The following APC variants were observed in gnomAD, a reference collection of about 807,000 sequenced individuals.
The protein encoded by APC is adenomatous polyposis coli protein.
A neutral mutation model predicts 247.0 loss-of-function variants in APC; 72 were observed. The observed-to-expected ratio is 0.29, with a 90% CI of 0.24 to 0.35. The LOEUF (loss-of-function observed/expected upper bound fraction) is 0.35, where lower values mean the gene tolerates loss of function less well. Among genes scored for constraint, APC ranks in the 10% least tolerant of loss-of-function variants. The pLI, the probability that APC is intolerant of heterozygous loss-of-function variation, is 1.00. For synonymous variants in APC, 1,254 were observed against 1,162.5 expected (o/e 1.08, Z -1.60); for missense variants, 3,400 against 3,360.7 (o/e 1.01, Z -0.29).
At chr5:112,724,557 G>T (rs1396713820) in intron 1 of APC, among the ~76,000 whole-genome samples, 2 of 148,740 alleles carry the variant, frequency 1.3e-5, no homozygotes, top group African/African-American at 4.9e-5. Context: ...AATCCCAAGT[G>T]TGTGGTAAAT....
Position 112,837,570 on chromosome 5 carries a change from A to G in APC, c.1976A>G (p.Asn659Ser), listed in dbSNP as rs2149857970. The change falls in exon 16 of 16, where the codon AAC (asparagine) becomes AGC (serine). Residue 659 changes from asparagine to serine, a missense_variant. Coordinates refer to ENST00000257430, the MANE Select transcript of APC (RefSeq NM_000038.6). ...TATTTCAGGCAAATCCTAAGAGAGA[A>G]CAACTGTCTACAAACTTTATTACAA... The part of the protein sequence containing the change: ...NEDHRQILRE[N>S]NCLQTLLQHL... The G allele has an allele frequency of 6.2e-7, 1 of 1,612,936 alleles. No individual in the cohort carries two copies. Among genetic ancestry groups the G allele is most frequent in the Non-Finnish European group, 8.5e-7 (1 of 1,178,976 alleles).
rs571814092 is a variant in APC at position 112,823,604 on chromosome 5, T to C, written c.1408+1613T>C. 4.6e-5 allele frequency among the ~76,000 whole-genome samples: 7 copies of C among 152,350 alleles called. No homozygotes were observed. In the South Asian group the frequency reaches 1.4e-3, roughly 32 times the overall value. On this transcript the variant is annotated intron_variant, in intron 11 of 15. Transcript: ENST00000257430. ...TTCAGTCAGCTGGGATGGTCATTTGTACATATATGAAGATTCTACAGCTAT... is the reference window on the plus strand; with the variant it reads ...TTCAGTCAGCTGGGATGGTCATTTGCACATATATGAAGATTCTACAGCTAT...
At chr5:112,811,229 G>A (rs1052906920) in intron 8 of APC, among the ~76,000 whole-genome samples, 3 of 152,200 alleles carry the variant, frequency 2.0e-5, no homozygotes, top group Admixed American at 1.3e-4. Flanking sequence ...ATGATACAGC[G>A]AGTGCTTCTA....
chr5:112,786,909 TCAG>T, intron 6 of APC, among the ~76,000 whole-genome samples: 1 of 57,128 alleles, frequency 1.8e-5, no homozygotes, highest in Non-Finnish European at 5.5e-5. Flanking sequence ...TTTTTTTGAG[TCAG>T]AGTCTTACTC....
chr5:112,773,449 G>A (rs550146878), intron 4 of APC, among the ~76,000 whole-genome samples: 11 of 152,244 alleles, frequency 7.2e-5, no homozygotes, highest in African/African-American at 1.7e-4. Context: ...AGGGATTGGC[G>A]TACCCACCCA....
intron 5 of APC, 146 bp from the exon 6 acceptor site, chr5:112,780,644 C>G (rs1018898909): frequency 4.9e-6 from 3 of 616,596 alleles, no homozygotes; most frequent in African/African-American, 1.8e-5. Context: ...TTTAAACACT[C>G]CTTGGAGTAA....
At position 112,841,739 on chromosome 5, in the gene APC, A is replaced by G. The variant is rs587781695; in HGVS notation, c.6145A>G (p.Lys2049Glu). 2 of 1,614,034 alleles carry G rather than the reference A, an allele frequency of 1.2e-6. No homozygotes were observed. Among genetic ancestry groups the G allele is most frequent in the Non-Finnish European group, 1.7e-6 (2 of 1,179,878 alleles). Residue 2049 changes from lysine to glutamate, a missense_variant, in exon 16 of 16, where the codon AAA becomes GAA. Coordinates refer to ENST00000257430, the MANE Select transcript of APC (RefSeq NM_000038.6). The surrounding 1 kb of genome is among the most constrained non-coding windows in gnomAD (Gnocchi z 4.6). ...GGAATGTATAAGCTCCGCAATGCCAAAAAAGAAAAAGCCTTCAAGACTCAA... is the reference window on the plus strand; with the variant it reads ...GGAATGTATAAGCTCCGCAATGCCAGAAAAGAAAAAGCCTTCAAGACTCAA... ...LQECISSAMP[K>E]KKKPSRLKGD...
At chr5:112,758,866 G>C (rs762239285) in intron 2 of APC, among the ~76,000 whole-genome samples, 3 of 152,192 alleles carry the variant, frequency 2.0e-5, no homozygotes, top group Non-Finnish European at 4.4e-5. Flanking sequence ...GCCTCTCAAA[G>C]TACTGGAATT....
Position 112,835,045 on chromosome 5 carries a change from T to G in APC, c.1838T>G (p.Leu613Arg). ...GATATATGTGCTGTAGATGGTGCACTTGCATTTTTGGTTGGCACTCTTACT... is the reference window on the plus strand; with the variant it reads ...GATATATGTGCTGTAGATGGTGCACGTGCATTTTTGGTTGGCACTCTTACT... ...KADICAVDGA[L>R]AFLVGTLTYR... The change falls in exon 15 of 16, where the codon CTT becomes CGT. Residue 613 changes from leucine (L) to arginine (R), a missense_variant. Physicochemically the swap from Leu to Arg is moderately radical, Grantham distance 102 (BLOSUM62 -2). Around this residue, in one of 9 missense-constraint regions of APC, gnomAD observed 184 missense variants for 248.0 expected, o/e 0.74. Transcript: ENST00000257430. 1 of 1,614,170 alleles carries G rather than the reference T, an allele frequency of 6.2e-7. No individual in the cohort carries two copies.
chr5:112,723,455 C>T (rs1020224156), intron 1 of APC, among the ~76,000 whole-genome samples: 2 of 150,968 alleles, frequency 1.3e-5, no homozygotes, highest in Admixed American at 6.6e-5. Flanking sequence ...AGAGTCAGAC[C>T]CCATCTCAAA....
chr5:112,770,941 A>G (rs1477051866), intron 4 of APC, among the ~76,000 whole-genome samples: 1 of 152,118 alleles, frequency 6.6e-6, no homozygotes, highest in Non-Finnish European at 1.5e-5. Context: ...GCTGTATAAG[A>G]TTTGGCAACT....
At chr5:112,710,938 T>C (rs944925644) in intron 1 of APC, among the ~76,000 whole-genome samples, 2 of 152,250 alleles carry the variant, frequency 1.3e-5, no homozygotes, top group African/African-American at 4.8e-5. Context: ...CTTCTGTGCT[T>C]TGCACTCGTA....
chr5:112,759,906 C>T (rs572709410), intron 2 of APC, among the ~76,000 whole-genome samples: 1 of 152,244 alleles, frequency 6.6e-6, no homozygotes, highest in East Asian at 1.9e-4. Context: ...TCAAGGGCCT[C>T]TTCTAGGTTG....
At chr5:112,802,609 A>G (rs1760946789) in intron 8 of APC, among the ~76,000 whole-genome samples, 1 of 152,154 alleles carries the variant, frequency 6.6e-6, no homozygotes, top group Non-Finnish European at 1.5e-5. Context: ...TTACTACATC[A>G]AAATAAATTC....
chr5:112,825,429 C>T (rs559644834), intron 11 of APC, among the ~76,000 whole-genome samples: 1 of 152,294 alleles, frequency 6.6e-6, no homozygotes, highest in East Asian at 1.9e-4. Context: ...CCGGCATCTA[C>T]CCATGTTTAT....
chr5:112,713,183 A>AAAAC (rs1750961938), intron 1 of APC, among the ~76,000 whole-genome samples: 2 of 151,928 alleles, frequency 1.3e-5, no homozygotes, highest in South Asian at 4.2e-4. Context: ...AAAAAAAAAA[A>AAAAC]AAACCAGTAT....
chr5:112,842,989 T>C lies in APC; in HGVS notation c.7395T>C (p.Leu2465=), dbSNP rs369906346. 96 of 1,613,966 alleles carry C rather than the reference T, an allele frequency of 5.9e-5. No individual in the cohort carries two copies. The highest frequency in any genetic ancestry group is 7.7e-5 in the Non-Finnish European group (91 of 1,179,960). ...KLEESASFES[L]SPSSRPASPT... is the part of the protein sequence containing the mutation. ...AGGAATCTGCTTCATTTGAATCTCT[T>C]TCTCCATCATCTAGACCAGCTTCTC... Residue 2465 remains leucine, a synonymous_variant, in exon 16 of 16, where the codon CTT becomes CTC. Coordinates refer to ENST00000257430, the MANE Select transcript of APC (RefSeq NM_000038.6).
chr5:112,709,068 A>G (rs1453879857), intron 1 of APC, among the ~76,000 whole-genome samples: 1 of 152,228 alleles, frequency 6.6e-6, no homozygotes, highest in Admixed American at 6.5e-5. Context: ...AAAAATATAA[A>G]TGATAGCTTG....
rs914206150 is a variant in APC, at chr5:112,758,682, A to G, written c.135+3657A>G. On this transcript the variant is annotated intron_variant, in intron 2 of 15. Coordinates refer to ENST00000257430, the MANE Select transcript of APC (RefSeq NM_000038.6). ...GTTCTTGTCGCCCAGGCTGGAGTGC[A>G]GTGGCACAATTTTGGCTCACTGCAG... Among the ~76,000 whole-genome samples, 5 of 151,588 alleles carry G rather than the reference A, an allele frequency of 3.3e-5. No homozygotes were observed. In the South Asian group the frequency reaches 1.0e-3, roughly 32 times the overall value.
Sources: gnomAD v4.1 joint callset for allele counts (sites outside exome capture counted in the v4.1 genomes callset) on GRCh38, gnomAD v4.1.1 for gene constraint, gnomAD v4.1.1 regional missense constraint, Gnocchi (gnomAD v3.1) non-coding constraint, MANE v1.5 for transcripts, NCBI Gene and HGNC (gene_info 2026-07-23, HGNC 2026-07-21) for gene names.